KCTD16: variants seen among roughly 807,000 people sequenced by gnomAD.
The protein encoded by KCTD16 is BTB/POZ domain-containing protein KCTD16.
In KCTD16, 13 loss-of-function variants were observed where a neutral mutation model predicts 33.2. The observed-to-expected ratio is 0.39, with a 90% CI of 0.25 to 0.62. The LOEUF is 0.62. Among genes scored for constraint, KCTD16 ranks in the 20% least tolerant of loss-of-function variants. The pLI is 0.50. For synonymous variants in KCTD16, 197 were observed against 195.3 expected, an observed-to-expected ratio of 1.01 and a Z score of -0.07; for missense variants, 441 against 525.1, an observed-to-expected ratio of 0.84 and a Z score of 1.57.
At chr5:144,420,046 G>A (rs1052124298) in intron 3 of KCTD16, among the ~76,000 whole-genome samples, 3 of 152,108 alleles carry the variant, frequency 2.0e-5, no homozygotes, top group Non-Finnish European at 4.4e-5. Flanking sequence ...AATATTTTGA[G>A]CATGTATCAG....
At chr5:144,266,845 A>G (rs1402329974) in intron 3 of KCTD16, among the ~76,000 whole-genome samples, 1 of 152,188 alleles carries the variant, frequency 6.6e-6, no homozygotes, top group South Asian at 2.1e-4. Context: ...TCATTGAAGC[A>G]GACCTTTATT....
intron 3 of KCTD16, among the ~76,000 whole-genome samples, chr5:144,362,701 A>G (rs1208011203): frequency 1.3e-5 from 2 of 152,130 alleles, no homozygotes; most frequent in Non-Finnish European, 2.9e-5. Flanking sequence ...CTTAAAAGTT[A>G]GTTTAGGGTG....
chr5:144,171,059 C>T (rs567086411), intron 1 of KCTD16, 50 bp downstream of exon 1: 1 of 152,268 alleles, frequency 6.6e-6, no homozygotes, highest in South Asian at 2.1e-4. Context: ...ACCCTATTTC[C>T]CTTTTGTAAG....
At chr5:144,430,203 A>G (rs1259393696) in intron 3 of KCTD16, among the ~76,000 whole-genome samples, 1 of 152,146 alleles carries the variant, frequency 6.6e-6, no homozygotes, top group Non-Finnish European at 1.5e-5. Flanking sequence ...TGGCAAGCAT[A>G]CTTATCTTGC....
At chr5:144,453,408 C>T (rs1200014914) in intron 3 of KCTD16, among the ~76,000 whole-genome samples, 2 of 152,084 alleles carry the variant, frequency 1.3e-5, no homozygotes, top group South Asian at 2.1e-4. Flanking sequence ...CCTGAGTTTT[C>T]AGTGTCTCCT....
At chr5:144,221,768 TTGGGTATATACCCAGTAA>T (rs1303091662) in intron 3 of KCTD16, among the ~76,000 whole-genome samples, 4 of 152,248 alleles carry the variant, frequency 2.6e-5, no homozygotes, top group African/African-American at 9.6e-5. Flanking sequence ...TTATAATCCT[TTGGGTATATACCCAGTAA>T]TGGGATTGCT....
intron 3 of KCTD16, among the ~76,000 whole-genome samples, chr5:144,207,961 A>T (rs1753240191): frequency 6.6e-6 from 1 of 152,198 alleles, no homozygotes; most frequent in Non-Finnish European, 1.5e-5. Flanking sequence ...GAGGTCTATT[A>T]AGCTGGTTGC....
chr5:144,243,392 C>T (rs1187719770), intron 3 of KCTD16, among the ~76,000 whole-genome samples: 1 of 152,188 alleles, frequency 6.6e-6, no homozygotes, highest in Admixed American at 6.5e-5. Context: ...AGAATATCAG[C>T]ATAAATTATT....
At chr5:144,444,980 A>T (rs1015625651) in intron 3 of KCTD16, among the ~76,000 whole-genome samples, 1 of 149,952 alleles carries the variant, frequency 6.7e-6, no homozygotes, top group Non-Finnish European at 1.5e-5. Flanking sequence ...TACATATATT[A>T]TATATGATAT....
chr5:144,244,376 C>A (rs562038388), intron 3 of KCTD16, among the ~76,000 whole-genome samples: 15 of 152,120 alleles, frequency 9.9e-5, no homozygotes, highest in African/African-American at 1.4e-4. Flanking sequence ...AATTTGATAA[C>A]AAAGTGCTAA....
intron 3 of KCTD16, among the ~76,000 whole-genome samples, chr5:144,402,496 A>G (rs1752726331): frequency 1.3e-5 from 2 of 152,098 alleles, no homozygotes; most frequent in African/African-American, 4.8e-5. Flanking sequence ...TATAAGTTAG[A>G]CTGATGTGAG....
At chr5:144,318,147 G>A (rs1751974030) in intron 3 of KCTD16, among the ~76,000 whole-genome samples, 1 of 152,132 alleles carries the variant, frequency 6.6e-6, no homozygotes, top group South Asian at 2.1e-4. Context: ...GTCCTCTTGC[G>A]GTGACCATTC....
chr5:144,179,046 C>T lies in KCTD16; in HGVS notation c.-327+4574C>T, dbSNP rs113068588. Reference sequence around the variant, plus strand: ...AAGAATTAAAGAGAATTAAAACTGGCAGGAACCTTGAGAGAATTCATTCCC... The same window carrying T: ...AAGAATTAAAGAGAATTAAAACTGGTAGGAACCTTGAGAGAATTCATTCCC... On this transcript the variant is annotated intron_variant, in intron 2 of 3. Coordinates refer to ENST00000512467, the MANE Select transcript of KCTD16 (RefSeq NM_020768.4). 1.4e-3 allele frequency among the ~76,000 whole-genome samples: 219 copies of T among 152,286 alleles called. 4 individuals are homozygous for T. The highest frequency in any genetic ancestry group is 6.8e-3 in the Middle Eastern group (2 of 294).
chr5:144,221,673 G>A (rs978598414), intron 3 of KCTD16, among the ~76,000 whole-genome samples: 27 of 152,102 alleles, frequency 1.8e-4, no homozygotes, highest in Non-Finnish European at 3.2e-4. Context: ...TTATTGATGG[G>A]CATTTGGGTT....
At chr5:144,212,321 T>C (rs1753422064) in intron 3 of KCTD16, among the ~76,000 whole-genome samples, 1 of 152,176 alleles carries the variant, frequency 6.6e-6, no homozygotes, top group Admixed American at 6.6e-5. Flanking sequence ...AAGCAAGAGC[T>C]GTTACCTGAG....
chr5:144,447,728 A>G (rs1753852722), intron 3 of KCTD16, among the ~76,000 whole-genome samples: 1 of 152,084 alleles, frequency 6.6e-6, no homozygotes, highest in Non-Finnish European at 1.5e-5. Flanking sequence ...AAACAAAACA[A>G]TGAAACACAG....
At chr5:144,336,962 A>G (rs1001224975) in intron 3 of KCTD16, among the ~76,000 whole-genome samples, 10 of 151,440 alleles carry the variant, frequency 6.6e-5, no homozygotes, top group African/African-American at 2.4e-4. Flanking sequence ...TCATATTCAT[A>G]CATAATTGTA....
intron 3 of KCTD16, chr5:144,439,345 C>T: frequency 2.0e-6 from 1 of 508,660 alleles, no homozygotes; most frequent in Non-Finnish European, 3.9e-6. Flanking sequence ...TGGAGTTCAG[C>T]AGAGTATGAA....
At chr5:144,359,423 A>C (rs1353615099) in intron 3 of KCTD16, among the ~76,000 whole-genome samples, 1 of 152,128 alleles carries the variant, frequency 6.6e-6, no homozygotes, top group African/African-American at 2.4e-5. Context: ...TTAAAGTCAC[A>C]GACAGATTGA....
Sources: gnomAD v4.1 joint callset for allele counts (sites outside exome capture counted in the v4.1 genomes callset) on GRCh38, gnomAD v4.1.1 for gene constraint, MANE v1.5 for transcripts, NCBI Gene and HGNC (gene_info 2026-07-23, HGNC 2026-07-21) for gene names.